MAP3K20: variants seen among roughly 807,000 people sequenced by gnomAD.
The protein encoded by MAP3K20 is mitogen-activated protein kinase kinase kinase 20, also known as HCCS-4.
A neutral mutation model predicts 85.7 loss-of-function variants in MAP3K20; 40 were observed. The ratio of observed to expected loss-of-function variants is 0.47; its 90% CI spans 0.36 to 0.61. The LOEUF is 0.61. Ranked by LOEUF, MAP3K20 falls within the 20% of genes least tolerant of loss-of-function variation. The pLI is 0.00. For missense variants in MAP3K20, 817 were observed against 961.7 expected, an observed-to-expected ratio of 0.85 and a Z score of 1.99; for synonymous variants, 325 against 327.7, an observed-to-expected ratio of 0.99 and a Z score of 0.09.
At chr2:173,251,332 T>C (rs937687772) in intron 16 of MAP3K20, among the ~76,000 whole-genome samples, 1 of 152,144 alleles carries the variant, frequency 6.6e-6, no homozygotes, top group African/African-American at 2.4e-5. Context: ...ATTCATGGTT[T>C]TGGGGAGTGG....
At chr2:173,108,944 G>C (rs1687863049) in intron 2 of MAP3K20, among the ~76,000 whole-genome samples, 1 of 152,176 alleles carries the variant, frequency 6.6e-6, no homozygotes, top group Admixed American at 6.5e-5. Flanking sequence ...TAATTGGTCT[G>C]TTTTGTACAG....
At chr2:173,134,401 TATATATATATATATA>T (rs1688719616) in intron 2 of MAP3K20, among the ~76,000 whole-genome samples, 1 of 9,128 alleles carries the variant, frequency 1.1e-4, no homozygotes. Flanking sequence ...TACATATATA[TATATATATATATATA>T]TATATATATA....
At chr2:173,157,383 C>T (rs1016298042) in intron 2 of MAP3K20, among the ~76,000 whole-genome samples, 1 of 151,038 alleles carries the variant, frequency 6.6e-6, no homozygotes, top group Admixed American at 6.6e-5. Flanking sequence ...ACCCATATGC[C>T]TTTAGTTACT....
chr2:173,077,668 A>G (rs963938588), intron 1 of MAP3K20, among the ~76,000 whole-genome samples: 1 of 152,242 alleles, frequency 6.6e-6, no homozygotes, highest in East Asian at 1.9e-4. Context: ...TAGTGATAAT[A>G]ATTCCAGAGT....
At chr2:173,133,472 T>A (rs1559245305) in intron 2 of MAP3K20, among the ~76,000 whole-genome samples, 1 of 152,144 alleles carries the variant, frequency 6.6e-6, no homozygotes, top group African/African-American at 2.4e-5. Flanking sequence ...GAATTTTAAA[T>A]ACAACCATAA....
At chr2:173,176,587 A>G (rs1456873799) in intron 3 of MAP3K20, among the ~76,000 whole-genome samples, 1 of 152,184 alleles carries the variant, frequency 6.6e-6, no homozygotes, top group African/African-American at 2.4e-5. Flanking sequence ...AAGGATTTAA[A>G]TGATAGATTA....
intron 2 of MAP3K20, among the ~76,000 whole-genome samples, chr2:173,121,980 C>T (rs982411483): frequency 5.3e-5 from 8 of 152,178 alleles, no homozygotes; most frequent in Admixed American, 2.6e-4. Flanking sequence ...GAATGACATC[C>T]GCAGAGCATA....
At chr2:173,220,630 G>A (rs1174927868) in intron 11 of MAP3K20, among the ~76,000 whole-genome samples, 1 of 152,188 alleles carries the variant, frequency 6.6e-6, no homozygotes, top group Non-Finnish European at 1.5e-5. Flanking sequence ...TACTAATCCA[G>A]ATAAAAAGGG....
At chr2:173,244,667 A>G (rs1387519807) in intron 16 of MAP3K20, among the ~76,000 whole-genome samples, 1 of 152,186 alleles carries the variant, frequency 6.6e-6, no homozygotes, top group Non-Finnish European at 1.5e-5. Flanking sequence ...ACAGTCCTAG[A>G]ATAAATTACT....
At chr2:173,167,205 G>C (rs1689858189) in intron 2 of MAP3K20, among the ~76,000 whole-genome samples, 2 of 151,838 alleles carry the variant, frequency 1.3e-5, no homozygotes, top group Non-Finnish European at 2.9e-5. Flanking sequence ...GTGAGCCACT[G>C]CGCCCGGCCA....
chr2:173,247,336 CTT>C (rs10709877), intron 16 of MAP3K20, among the ~76,000 whole-genome samples: 8 of 149,392 alleles, frequency 5.4e-5, no homozygotes, highest in African/African-American at 1.7e-4. Flanking sequence ...TCAAATAGGG[CTT>C]TTTTTTTTCC....
chr2:173,092,693 TG>T (rs1281676315), intron 2 of MAP3K20, among the ~76,000 whole-genome samples: 2 of 152,226 alleles, frequency 1.3e-5, no homozygotes, highest in African/African-American at 4.8e-5. Context: ...AAAAGGAACA[TG>T]TTCTTATATG....
At chr2:173,144,772 G>A (rs1413907434) in intron 2 of MAP3K20, among the ~76,000 whole-genome samples, 1 of 152,130 alleles carries the variant, frequency 6.6e-6, no homozygotes, top group Non-Finnish European at 1.5e-5. Flanking sequence ...GTATTAAAAT[G>A]TTACTTTCCT....
chr2:173,239,806 G>A (rs949875088), intron 16 of MAP3K20, among the ~76,000 whole-genome samples: 1 of 152,182 alleles, frequency 6.6e-6, no homozygotes, highest in Non-Finnish European at 1.5e-5. Flanking sequence ...TCATGTCACA[G>A]CTTCCTGCTG....
At chr2:173,091,866 C>G (rs1687310018) in intron 2 of MAP3K20, among the ~76,000 whole-genome samples, 1 of 152,188 alleles carries the variant, frequency 6.6e-6, no homozygotes, top group African/African-American at 2.4e-5. Flanking sequence ...TTGTCACATT[C>G]AGTTTGGTAC....
chr2:173,221,300 C>G, intron 11 of MAP3K20: 1 of 1,614,034 alleles, frequency 6.2e-7, no homozygotes, highest in African/African-American at 1.3e-5. Context: ...GGCCATGATG[C>G]TGATGGGCTT....
chr2:173,177,946 A>G (rs1338088067), intron 3 of MAP3K20, among the ~76,000 whole-genome samples: 2 of 152,162 alleles, frequency 1.3e-5, no homozygotes, highest in Non-Finnish European at 2.9e-5. Flanking sequence ...AATTAAAACC[A>G]AAGTGAGTCA....
chr2:173,103,155 G>A (rs1450793985), intron 2 of MAP3K20, among the ~76,000 whole-genome samples: 7 of 152,160 alleles, frequency 4.6e-5, no homozygotes, highest in South Asian at 2.1e-4. Context: ...GTGAGCATCC[G>A]CTGCTGAACA....
intron 10 of MAP3K20, among the ~76,000 whole-genome samples, chr2:173,213,825 A>G (rs139660319): frequency 6.6e-6 from 1 of 152,340 alleles, no homozygotes; most frequent in African/African-American, 2.4e-5. Flanking sequence ...TGATCATTTT[A>G]GGTTATTAAG....
Sources: allele counts gnomAD v4.1 joint callset (sites outside exome capture counted in the v4.1 genomes callset), GRCh38; gene constraint gnomAD v4.1.1; transcripts MANE v1.5; gene names NCBI Gene and HGNC (gene_info 2026-07-23, HGNC 2026-07-21).